Variants in GREP1 observed in about 807,000 individuals in gnomAD.
GREP1 encodes glycine rich extracellular protein 1.
chr16:2,988,480 G>A (rs2072382388), intron 1 of GREP1, 110 bp from the exon 2 acceptor site: 1 of 399,156 alleles, frequency 2.5e-6, no homozygotes, highest in Admixed American at 4.4e-5. Flanking sequence ...TCTGGGCAGA[G>A]AATTCAGACA....
At chr16:2,997,147 T>C in intron 21 of GREP1, 62 bp downstream of exon 20, 1 of 398,916 alleles carries the variant, frequency 2.5e-6, no homozygotes, top group Non-Finnish European at 4.4e-6. Context: ...CCCTCATTCA[T>C]ACCCCACCTC....
rs2524315 is a variant in GREP1, at chr16:3,000,132, G to A, written c.1264+14G>A. On this transcript the variant is annotated intron_variant, in intron 29 of 34. Transcript: ENST00000573315. ...CACAGAAAATTGGTGAGTCCTCCTG[G>A]GCCCCCGACCCATGTTGAGCGGAAG... 1 of 398,848 alleles carries A rather than the reference G, an allele frequency of 2.5e-6. No individual in the cohort carries two copies. Among genetic ancestry groups the A allele is most frequent in the East Asian group, 3.6e-5 (1 of 28,058 alleles). 24.7% of individuals were successfully genotyped at this position (398,848 alleles called of 1,614,324 possible). A position where few individuals can be genotyped will look rare whatever the true frequency, so the allele number is the denominator to read the frequency against.
rs533595987 is a variant in GREP1, at chr16:3,001,318, G to A, written c.1569G>A (p.Leu523=). The A allele has an allele frequency of 8.1e-4, 322 of 399,198 alleles. 1 individual carries two copies. The highest frequency in any genetic ancestry group is 5.7e-3 in the African/African-American group (279 of 48,748). 24.7% of individuals were successfully genotyped at this position (399,198 alleles called of 1,614,324 possible). A position where few individuals can be genotyped will look rare whatever the true frequency, so the allele number is the denominator to read the frequency against. ...TGAAGAGAGGCAGCAATGGCCAGCTGGGGAATGGCTACGGAGGTGAGAGGG... is the reference window on the plus strand; with the variant it reads ...TGAAGAGAGGCAGCAATGGCCAGCTAGGGAATGGCTACGGAGGTGAGAGGG... Residue 523 remains leucine, a synonymous_variant, in exon 34 of 35, where the codon CTG becomes CTA. Transcript: ENST00000573315.
chr16:2,998,382 A>G (rs975954549), exon 24 of GREP1: 2 of 399,280 alleles, frequency 5.0e-6, no homozygotes, highest in Non-Finnish European at 8.8e-6. Context: ...GAAGCCTCAG[A>G]AGTCAGGTGA....
intron 18 of GREP1, 152 bp downstream of exon 17, chr16:2,995,923 G>C (rs149164427): frequency 2.8e-5 from 11 of 398,012 alleles, no homozygotes; most frequent in Non-Finnish European, 4.4e-5. Context: ...GAGGACACCT[G>C]GGGTAGGAGC....
chr16:2,998,307 T>A (rs1338085893), intron 23 of GREP1, 49 bp from the exon 22 acceptor site: 3 of 398,654 alleles, frequency 7.5e-6, no homozygotes, highest in African/African-American at 6.2e-5. Flanking sequence ...TTCACTACAC[T>A]CCTCGGGTGG....
chr16:2,999,805 C>T (rs1280591915), intron 27 of GREP1, 97 bp from the exon 25 acceptor site: 7 of 398,688 alleles, frequency 1.8e-5, no homozygotes, highest in Non-Finnish European at 3.1e-5. Context: ...CAGGAAAAGT[C>T]TCTGCTTCCC....
intron 1 of GREP1, 118 bp downstream of exon 1, chr16:2,988,458 T>C (rs935285557): frequency 6.8e-5 from 27 of 399,146 alleles, no homozygotes; most frequent in African/African-American, 5.5e-4. Context: ...GGCTGGGGTG[T>C]GGAAAGCCTG....
intron 1 of GREP1, 69 bp downstream of exon 1, chr16:2,988,409 G>C (rs1014241762): frequency 7.5e-6 from 3 of 399,158 alleles, no homozygotes; most frequent in Non-Finnish European, 1.3e-5. Context: ...GGGTCCAAGT[G>C]GGGCCCTGGC....
chr16:3,000,132 G>T lies in GREP1; in HGVS notation c.1264+14G>T, dbSNP rs2524315. The T allele has an allele frequency of 3.0e-5, 12 of 398,780 alleles. No homozygotes were observed. Among genetic ancestry groups the T allele is most frequent in the Non-Finnish European group, 4.4e-5 (10 of 226,086 alleles). The allele number at this position is 398,780 out of a possible 1,614,324, so 24.7% of individuals were successfully genotyped here. A position where few individuals can be genotyped will look rare whatever the true frequency, so the allele number is the denominator to read the frequency against. On this transcript the variant is annotated intron_variant, in intron 29 of 34. Coordinates refer to ENST00000573315, the Ensembl canonical transcript of GREP1. ...CACAGAAAATTGGTGAGTCCTCCTGGGCCCCCGACCCATGTTGAGCGGAAG... is the reference window on the plus strand; with the variant it reads ...CACAGAAAATTGGTGAGTCCTCCTGTGCCCCCGACCCATGTTGAGCGGAAG...
Position 2,991,761 on chromosome 16 carries a change from G to C in GREP1, c.322+660G>C, listed in dbSNP as rs2072400645. On this transcript the variant is annotated intron_variant, in intron 8 of 34. Coordinates refer to ENST00000573315, the Ensembl canonical transcript of GREP1. The surrounding 1 kb of genome is among the most constrained non-coding windows in gnomAD (Gnocchi z 4.9). Reference sequence around the variant, plus strand: ...TGGAGGCCTCTGAGCTGCTTCCTGGGCATGCGCCCTTAGTGAACTGTCAGG... The same window carrying C: ...TGGAGGCCTCTGAGCTGCTTCCTGGCCATGCGCCCTTAGTGAACTGTCAGG... The C allele has an allele frequency of 6.6e-6, 1 of 152,426 alleles. No homozygotes were observed. The highest frequency in any genetic ancestry group is 2.4e-5 in the African/African-American group (1 of 41,420). The allele number at this position is 152,426 out of a possible 1,614,324, so 9.4% of individuals were successfully genotyped here.
intron 22 of GREP1, chr16:2,997,510 G>A: frequency 2.5e-6 from 1 of 398,510 alleles, no homozygotes; most frequent in Non-Finnish European, 4.4e-6. Context: ...GGTTTTCTTG[G>A]GGGCTCCTGC....
chr16:2,995,825 A>G, intron 17 of GREP1, 54 bp downstream of exon 17: 1 of 398,466 alleles, frequency 2.5e-6, no homozygotes, highest in South Asian at 1.3e-4. Context: ...CTGAAGCCAT[A>G]AGCACTCTAC....
At position 2,991,967 on chromosome 16, in the gene GREP1, G is replaced by A. The variant is rs1567396957; in HGVS notation, c.323-838G>A. Reference sequence around the variant, plus strand: ...AGGGAGCTGCAGCCTCCTTTACCTGGTCTCTCTCTCTATTCCTGGCATGGG... The same window carrying A: ...AGGGAGCTGCAGCCTCCTTTACCTGATCTCTCTCTCTATTCCTGGCATGGG... On this transcript the variant is annotated intron_variant, in intron 8 of 34. Transcript: ENST00000573315. This position sits in a 1 kb window ranked among gnomAD's most constrained non-coding sequence, Gnocchi z 4.9. 6.6e-6 allele frequency: 1 copy of A among 152,636 alleles called. No homozygotes were observed. The highest frequency in any genetic ancestry group is 1.9e-4 in the East Asian group (1 of 5,212). The allele number at this position is 152,636 out of a possible 1,614,324, so 9.5% of individuals were successfully genotyped here. A position where few individuals can be genotyped will look rare whatever the true frequency, so the allele number is the denominator to read the frequency against.
At chr16:2,990,154 C>T (rs1380140106) in intron 5 of GREP1, 32 bp downstream of exon 5, 2 of 399,160 alleles carry the variant, frequency 5.0e-6, no homozygotes, top group Non-Finnish European at 8.8e-6. Context: ...CCTTCCCTCC[C>T]TCCCAGGCCT....
rs1421097140 is a variant in GREP1, at chr16:2,990,629, G to A, written c.268+42G>A. On this transcript the variant is annotated intron_variant, in intron 7 of 34. Coordinates refer to ENST00000573315, the Ensembl canonical transcript of GREP1. ...CGGGTAAGGAATGGGAGGGGCTTGG[G>A]GGTGCCTAATCTTTGCCTGATACTG... is the stretch of plus-strand genomic sequence containing the variant. 1.8e-4 allele frequency: 73 copies of A among 399,254 alleles called. 1 individual carries two copies. The allele number at this position is 399,254 out of a possible 1,614,324, so 24.7% of individuals were successfully genotyped here. A position where few individuals can be genotyped will look rare whatever the true frequency, so the allele number is the denominator to read the frequency against.
At chr16:2,994,720 T>C (rs2072415716) in exon 11 of GREP1, 1 of 399,016 alleles carries the variant, frequency 2.5e-6, no homozygotes, top group Non-Finnish European at 4.4e-6. Flanking sequence ...AAAATGGCTA[T>C]AGACCAGGTA....
Position 2,988,725 on chromosome 16 carries a change from C to T in GREP1, c.100+103C>T. On this transcript the variant is annotated intron_variant, in intron 2 of 34. Transcript: ENST00000573315. ...ACTCCCGATGCGGGGCCCAGGAGAG[C>T]TCAGGGCCCTTGCTGTCTTCCGGGC... 4 of 398,804 alleles carry T rather than the reference C, an allele frequency of 1.0e-5. No homozygotes were observed. The Admixed American group carries it at 1.3e-4, about 13-fold the overall frequency. 24.7% of individuals were successfully genotyped at this position (398,804 alleles called of 1,614,324 possible).
chr16:3,000,153 G>T, intron 29 of GREP1, 35 bp downstream of exon 26: 2 of 399,136 alleles, frequency 5.0e-6, no homozygotes, highest in Non-Finnish European at 8.8e-6. Context: ...CATGTTGAGC[G>T]GAAGCTGGCA....
Sources: allele counts gnomAD v4.1 joint callset, GRCh38; gene constraint gnomAD v4.1.1; non-coding constraint Gnocchi (gnomAD v3.1); transcripts MANE v1.5; gene names NCBI Gene and HGNC (gene_info 2026-07-23, HGNC 2026-07-21).